PLCZ1: variants seen among roughly 807,000 people sequenced by gnomAD.
The protein encoded by PLCZ1 is 1-phosphatidylinositol 4,5-bisphosphate phosphodiesterase zeta-1.
In PLCZ1, 64 loss-of-function variants were observed where a neutral mutation model predicts 76.8. That is an observed-to-expected ratio of 0.83 (90% CI 0.68 to 1.03). The LOEUF is 1.03. PLCZ1 is among the 50% of genes least tolerant of loss of function. The probability of loss-of-function intolerance (pLI) is 0.00; values close to 1 mark genes in which losing one functional copy is unlikely to be tolerated. For missense variants in PLCZ1, 751 were observed against 713.7 expected (o/e 1.05, Z -0.60); for synonymous variants, 248 against 230.8 (o/e 1.07, Z -0.68).
chr12:18,674,007 T>C, the PLCZ1 span, among the ~76,000 whole-genome samples: 4 of 152,124 alleles, frequency 2.6e-5, no homozygotes, highest in Non-Finnish European at 5.9e-5. Flanking sequence ...TAAAAGCAGA[T>C]TGTTTAAAGG....
chr12:18,652,045 C>T, the PLCZ1 span, among the ~76,000 whole-genome samples: 93,167 of 151,934 alleles, frequency 0.61, 29,047 homozygotes, highest in East Asian at 0.89. Context: ...GTTAGTTTTA[C>T]GTATAACTTT....
the PLCZ1 span, among the ~76,000 whole-genome samples, chr12:18,658,138 T>G: frequency 6.6e-6 from 1 of 152,116 alleles, no homozygotes; most frequent in African/African-American, 2.4e-5. Context: ...TCATTGAGAT[T>G]TCCTAATCTG....
chr12:18,666,021 T>C, the PLCZ1 span, among the ~76,000 whole-genome samples: 2 of 151,728 alleles, frequency 1.3e-5, no homozygotes, highest in African/African-American at 4.8e-5. Context: ...TACTATTAAA[T>C]GTTAATTTAA....
In PLCZ1 at chr12:18,700,509, G is replaced by T. The variant is rs894350468; in HGVS notation, c.1018-559C>A. Among the ~76,000 whole-genome samples, 5 of 4,540 alleles carry T rather than the reference G, an allele frequency of 1.1e-3. No homozygotes were observed. The South Asian group carries it at 0.076, about 69-fold the overall frequency. 3.0% of individuals were successfully genotyped at this position (4,540 alleles called of 152,430 possible). A position where few individuals can be genotyped will look rare whatever the true frequency, so the allele number is the denominator to read the frequency against. On this transcript the variant is annotated intron_variant, in intron 9 of 14. Transcript: ENST00000266505. ...TGCGCATAACCAGATCAGAGCCAAC[G>T]TACAAAAAAAAAAAAAAAAAAAAAA... is the stretch of plus-strand genomic sequence containing the variant.
intron 3 of PLCZ1, 69 bp from the exon 4 acceptor site, chr12:18,723,611 T>C: frequency 8.6e-7 from 1 of 1,158,996 alleles, no homozygotes; most frequent in South Asian, 1.3e-5. Context: ...TATTAGAGTA[T>C]TTATGTAACA....
At chr12:18,732,187 T>G (rs993597948) in intron 3 of PLCZ1, among the ~76,000 whole-genome samples, 2 of 152,104 alleles carry the variant, frequency 1.3e-5, no homozygotes, top group South Asian at 2.1e-4. Flanking sequence ...GGTCTCTCTT[T>G]GTCACCCAGG....
chr12:18,696,189 A>T lies in PLCZ1; in HGVS notation c.1252T>A (p.Phe418Ile). 1 of 1,596,498 alleles carries T rather than the reference A, an allele frequency of 6.3e-7. No individual in the cohort carries two copies. Among genetic ancestry groups the T allele is most frequent in the Non-Finnish European group, 8.6e-7 (1 of 1,166,908 alleles). Residue 418 changes from phenylalanine (F) to isoleucine (I), a missense_variant, in exon 11 of 15, where the codon TTT (phenylalanine) becomes ATT (isoleucine). Physicochemically the swap from Phe to Ile is conservative, Grantham distance 21 (BLOSUM62 0). Transcript: ENST00000266505. The stretch of plus-strand genomic sequence containing the variant: ...ATATTCCAAAATTCTTGGGGATTAA[A>T]ATTAGAAGAGTCTGCTCTTGTTGCT... ...PKATRADSSN[F>I]NPQEFWNIGC...
the PLCZ1 span, among the ~76,000 whole-genome samples, chr12:18,657,829 G>A: frequency 2.0e-5 from 3 of 151,936 alleles, no homozygotes; most frequent in Admixed American, 2.0e-4. Flanking sequence ...AGAAAAAAAA[G>A]GAAAGTAATA....
the PLCZ1 span, among the ~76,000 whole-genome samples, chr12:18,655,473 T>C: frequency 5.3e-5 from 8 of 152,200 alleles, no homozygotes; most frequent in South Asian, 2.1e-4. Context: ...TTTATGGAGA[T>C]GTTGCACCTG....
chr12:18,727,283 GGCTAGA>G (rs1958807781), intron 3 of PLCZ1, among the ~76,000 whole-genome samples: 1 of 152,090 alleles, frequency 6.6e-6, no homozygotes, highest in African/African-American at 2.4e-5. Flanking sequence ...AGGAGTCCAG[GGCTAGA>G]GTGAGCTATA....
At chr12:18,734,966 G>A (rs948357338) in intron 3 of PLCZ1, among the ~76,000 whole-genome samples, 1 of 152,100 alleles carries the variant, frequency 6.6e-6, no homozygotes, top group African/African-American at 2.4e-5. Context: ...TATCATGAAA[G>A]GGAGTTAAAT....
At chr12:18,686,984 GA>G (rs1369505114) in intron 13 of PLCZ1, among the ~76,000 whole-genome samples, 1 of 152,008 alleles carries the variant, frequency 6.6e-6, no homozygotes, top group African/African-American at 2.4e-5. Context: ...ATTTTGTGAT[GA>G]AGATTCAAGT....
chr12:18,657,376 C>A, the PLCZ1 span, among the ~76,000 whole-genome samples: 1 of 152,052 alleles, frequency 6.6e-6, no homozygotes, highest in African/African-American at 2.4e-5. Flanking sequence ...CTGAGAAGAT[C>A]CAGAGCTCTT....
intron 12 of PLCZ1, among the ~76,000 whole-genome samples, chr12:18,689,566 A>T (rs1385881116): frequency 6.6e-6 from 1 of 152,094 alleles, no homozygotes; most frequent in Non-Finnish European, 1.5e-5. Context: ...TGGTTTAGGG[A>T]GCATTGATCA....
the PLCZ1 span, chr12:18,648,132 C>A: frequency 1.7e-6 from 1 of 604,596 alleles, no homozygotes; most frequent in Non-Finnish European, 2.7e-6. Context: ...AAAGACAGCA[C>A]AGGGTATTAA....
At chr12:18,681,335 A>G (rs894721945), downstream of PLCZ1, among the ~76,000 whole-genome samples, 3 of 152,026 alleles carry the variant, frequency 2.0e-5, no homozygotes, top group African/African-American at 7.2e-5. Flanking sequence ...AGTTTAAAAA[A>G]TCTTCTGTTG....
the PLCZ1 span, among the ~76,000 whole-genome samples, chr12:18,656,551 C>T: frequency 4.6e-5 from 7 of 152,066 alleles, no homozygotes; most frequent in Admixed American, 2.0e-4. Context: ...GGCGACAGAG[C>T]GAGACTCTGT....
In PLCZ1 at chr12:18,723,412, G is replaced by A. The variant is rs748467168; in HGVS notation, c.266C>T (p.Ala89Val). The change falls in exon 4 of 15, where the codon GCA becomes GTA. Residue 89 changes from alanine to valine, a missense_variant. Physicochemically the swap from Ala to Val is moderately conservative, Grantham distance 64. Transcript: ENST00000266505. ...TGTCAGAAATTGAGCCAGATTACTT[G>A]CTAAAAGAATTTTCCGGTTTTCAGA... ...TYSENRKILL[A>V]SNLAQFLTQE... 5.0e-6 allele frequency: 8 copies of A among 1,612,860 alleles called. No individual in the cohort carries two copies. In the South Asian group the frequency reaches 8.8e-5, roughly 18 times the overall value.
chr12:18,654,304 A>G, the PLCZ1 span, among the ~76,000 whole-genome samples: 200 of 152,120 alleles, frequency 1.3e-3, 2 homozygotes, highest in African/African-American at 4.3e-3. Flanking sequence ...TAAAAAAAAA[A>G]AAAAAAATCT....
Sources: gnomAD v4.1 joint callset for allele counts (sites outside exome capture counted in the v4.1 genomes callset) on GRCh38, gnomAD v4.1.1 for gene constraint, MANE v1.5 for transcripts, NCBI Gene and HGNC (gene_info 2026-07-23, HGNC 2026-07-21) for gene names.